Variants in TNKS observed in about 807,000 individuals in gnomAD.
The protein encoded by TNKS is poly [ADP-ribose] polymerase tankyrase-1.
TNKS carries 72 observed loss-of-function variants against 135.8 expected under a neutral mutation model. That is an observed-to-expected ratio of 0.53 (90% CI 0.44 to 0.64). The LOEUF is 0.64. TNKS is among the 30% of genes least tolerant of loss of function. TNKS has a pLI of 0.00. For missense variants in TNKS, 1,769 were observed against 1,674.0 expected (o/e 1.06, Z -0.99); for synonymous variants, 849 against 649.3 (o/e 1.31, Z -4.68).
intron 3 of TNKS, among the ~76,000 whole-genome samples, chr8:9,649,220 T>TACC (rs1350871424): frequency 6.6e-6 from 1 of 152,240 alleles, no homozygotes; most frequent in African/African-American, 2.4e-5. Context: ...CTACTTGAAC[T>TACC]ACCATAGGAA....
At chr8:9,746,883 T>TTTTC (rs1216230389) in intron 17 of TNKS, among the ~76,000 whole-genome samples, 1 of 144,476 alleles carries the variant, frequency 6.9e-6, no homozygotes, top group East Asian at 2.0e-4. Flanking sequence ...TACTTAAACT[T>TTTTC]TTTTTTTTTT....
chr8:9,609,668 G>C (rs557481885), intron 2 of TNKS, among the ~76,000 whole-genome samples: 1 of 152,134 alleles, frequency 6.6e-6, no homozygotes. Flanking sequence ...TTAGCTCATA[G>C]ATGATTTTAG....
chr8:9,722,004 G>T (rs1325454538), intron 12 of TNKS, among the ~76,000 whole-genome samples: 3 of 149,838 alleles, frequency 2.0e-5, no homozygotes, highest in Non-Finnish European at 2.9e-5. Flanking sequence ...AGTGAGCCAA[G>T]ATCGCGCCAC....
intron 3 of TNKS, among the ~76,000 whole-genome samples, chr8:9,650,911 T>G (rs1032322375): frequency 1.3e-5 from 2 of 152,084 alleles, no homozygotes; most frequent in Admixed American, 1.3e-4. Context: ...TCTAGAAGAG[T>G]TTTTCTGATG....
chr8:9,576,628 G>T (rs1019652118), intron 1 of TNKS, among the ~76,000 whole-genome samples: 3 of 152,002 alleles, frequency 2.0e-5, no homozygotes, highest in African/African-American at 4.8e-5. Context: ...GCACTAGGGT[G>T]ATGGTGCTAA....
rs1801391660 is a variant in TNKS, at chr8:9,656,741, G to A, written c.995-23210G>A. ...GATAAACAAGTGAACAAAGGTCTCT[G>A]GTTTTCCTAGGCAGAGGACCCCACG... On this transcript the variant is annotated intron_variant, in intron 3 of 26. Transcript: ENST00000310430. Among the ~76,000 whole-genome samples the A allele has an allele frequency of 2.0e-5, 3 of 151,034 alleles. No homozygotes were observed. In the South Asian group the frequency reaches 6.3e-4, roughly 32 times the overall value.
chr8:9,696,877 C>T (rs545335870), intron 5 of TNKS, among the ~76,000 whole-genome samples: 1 of 152,232 alleles, frequency 6.6e-6, no homozygotes, highest in African/African-American at 2.4e-5. Context: ...CCATACTGCC[C>T]AAAGCAGTTT....
intron 2 of TNKS, among the ~76,000 whole-genome samples, chr8:9,591,577 A>G (rs1487863748): frequency 6.6e-6 from 1 of 152,116 alleles, no homozygotes; most frequent in African/African-American, 2.4e-5. Context: ...TGAAGTGTGC[A>G]TATCTTTTGG....
At chr8:9,628,853 C>G (rs576968048) in intron 3 of TNKS, among the ~76,000 whole-genome samples, 2 of 152,294 alleles carry the variant, frequency 1.3e-5, no homozygotes, top group African/African-American at 4.8e-5. Flanking sequence ...CCCTATCCAA[C>G]CCTATTGCCA....
chr8:9,752,568 G>T lies in TNKS; in HGVS notation c.3095G>T (p.Ser1032Ile). ...GEVAGLDMNI[S>I]QFLKSLGLEH... ...GTTGCTGGTCTTGACATGAATATCA[G>T]CCAATTTCTAAAAAGCCTTGGCCTT... Residue 1032 changes from serine to isoleucine, a missense_variant, in exon 20 of 27, where the codon AGC becomes ATC. Physicochemically the swap from Ser to Ile is moderately radical, Grantham distance 142 (BLOSUM62 -2). Coordinates refer to ENST00000310430, the MANE Select transcript of TNKS (RefSeq NM_003747.3). 1 of 1,612,776 alleles carries T rather than the reference G, an allele frequency of 6.2e-7. No individual in the cohort carries two copies. Among genetic ancestry groups the T allele is most frequent in the Non-Finnish European group, 8.5e-7 (1 of 1,179,422 alleles).
chr8:9,604,674 C>G (rs1026667454), intron 2 of TNKS, among the ~76,000 whole-genome samples: 2 of 151,864 alleles, frequency 1.3e-5, no homozygotes, highest in African/African-American at 4.8e-5. Context: ...CCTGTTGGTG[C>G]TTCTTGAACC....
At chr8:9,740,187 C>A (rs963167101) in intron 17 of TNKS, among the ~76,000 whole-genome samples, 1 of 151,240 alleles carries the variant, frequency 6.6e-6, no homozygotes, top group African/African-American at 2.4e-5. Flanking sequence ...CTGGAAGTAA[C>A]TAAGGCCCAC....
chr8:9,768,742 T>A (rs1807615373), intron 25 of TNKS, among the ~76,000 whole-genome samples: 1 of 152,144 alleles, frequency 6.6e-6, no homozygotes, highest in African/African-American at 2.4e-5. Context: ...CTGCCACAAA[T>A]GTAGAGAGAG....
intron 19 of TNKS, among the ~76,000 whole-genome samples, chr8:9,752,088 C>G (rs1374570144): frequency 6.6e-6 from 1 of 152,068 alleles, no homozygotes; most frequent in Non-Finnish European, 1.5e-5. Context: ...TCTTATTGAA[C>G]CACTTATACT....
chr8:9,605,867 A>G (rs979518855), intron 2 of TNKS, among the ~76,000 whole-genome samples: 1 of 151,954 alleles, frequency 6.6e-6, no homozygotes, highest in Non-Finnish European at 1.5e-5. Flanking sequence ...TATGTGTTGC[A>G]AATATTTTCT....
chr8:9,650,047 C>T (rs1801085666), intron 3 of TNKS, among the ~76,000 whole-genome samples: 1 of 151,862 alleles, frequency 6.6e-6, no homozygotes, highest in Non-Finnish European at 1.5e-5. Flanking sequence ...CATGTGCCAC[C>T]ATGCCTGGCT....
At chr8:9,640,571 C>T (rs1323311096) in intron 3 of TNKS, among the ~76,000 whole-genome samples, 2 of 145,758 alleles carry the variant, frequency 1.4e-5, no homozygotes, top group African/African-American at 2.5e-5. Flanking sequence ...CAAGAACCTG[C>T]CTTAAGTTAT....
intron 2 of TNKS, among the ~76,000 whole-genome samples, chr8:9,598,775 A>G (rs373588855): frequency 0.025 from 525 of 21,216 alleles, 17 homozygotes; most frequent in African/African-American, 0.036. Context: ...GTATATATAT[A>G]TATATATATA....
At chr8:9,637,299 C>T (rs773178015) in intron 3 of TNKS, among the ~76,000 whole-genome samples, 37 of 152,206 alleles carry the variant, frequency 2.4e-4, no homozygotes, top group African/African-American at 7.7e-4. Context: ...TTCTTTCTGA[C>T]GATACAGACT....
Sources: allele counts gnomAD v4.1 joint callset (sites outside exome capture counted in the v4.1 genomes callset), GRCh38; gene constraint gnomAD v4.1.1; transcripts MANE v1.5; gene names NCBI Gene and HGNC (gene_info 2026-07-23, HGNC 2026-07-21).